The following MBTPS1 variants were observed in gnomAD, a reference collection of about 807,000 sequenced individuals.
MBTPS1 encodes membrane bound transcription factor peptidase, site 1.
In MBTPS1, 94 loss-of-function variants were observed where a neutral mutation model predicts 127.8. That is an observed-to-expected ratio of 0.74 (90% confidence interval 0.62 to 0.87). MBTPS1 has a LOEUF of 0.87. MBTPS1 is among the 40% of genes least tolerant of loss of function. MBTPS1 has a pLI of 0.00. For missense variants in MBTPS1, 1,636 were observed against 1,353.2 expected, an observed-to-expected ratio of 1.21 and a Z score of -3.28; for synonymous variants, 632 against 509.4, an observed-to-expected ratio of 1.24 and a Z score of -3.24.
At chr16:84,100,782 T>C (rs1296523832) in intron 2 of MBTPS1, among the ~76,000 whole-genome samples, 1 of 151,980 alleles carries the variant, frequency 6.6e-6, no homozygotes, top group African/African-American at 2.4e-5. Context: ...TTTCCTTTTA[T>C]CATATAAGCT....
At chr16:84,093,369 C>A in intron 5 of MBTPS1, 72 bp from the exon 6 acceptor site, 1 of 1,021,788 alleles carries the variant, frequency 9.8e-7, no homozygotes. Flanking sequence ...CATTCCAGGC[C>A]ATGAGTTCCA....
intron 11 of MBTPS1, among the ~76,000 whole-genome samples, chr16:84,077,772 A>G (rs1251836049): frequency 6.6e-6 from 1 of 152,246 alleles, no homozygotes; most frequent in Non-Finnish European, 1.5e-5. Context: ...CTGCATGGCA[A>G]AAACACCTTA....
chr16:84,059,477 A>G (rs1381659036), intron 20 of MBTPS1, 49 bp from the exon 21 acceptor site: 2 of 1,581,320 alleles, frequency 1.3e-6, no homozygotes, highest in Middle Eastern at 1.7e-4. Context: ...CTCTATTACT[A>G]AAATGCAAAG....
Position 84,054,144 on chromosome 16 carries a change from T to G in MBTPS1, c.*305A>C, listed in dbSNP as rs1052356913. ...TTGTTTGGAAAGTACATCCTTCCCC[T>G]GCAGTCAGAAGACCCCAGACAGCCT... On this transcript the variant is annotated 3_prime_UTR_variant, in exon 23 of 23. Coordinates refer to ENST00000343411, the MANE Select transcript of MBTPS1 (RefSeq NM_003791.4). 3.2e-5 allele frequency: 8 copies of G among 252,932 alleles called. No individual in the cohort carries two copies. Among genetic ancestry groups the G allele is most frequent in the Non-Finnish European group, 5.3e-5 (7 of 132,302 alleles). The allele number at this position is 252,932 out of a possible 1,614,324, so 15.7% of individuals were successfully genotyped here. A position where few individuals can be genotyped will look rare whatever the true frequency, so the allele number is the denominator to read the frequency against.
At chr16:84,101,249 G>A (rs893694648) in intron 2 of MBTPS1, among the ~76,000 whole-genome samples, 6 of 152,100 alleles carry the variant, frequency 3.9e-5, no homozygotes, top group East Asian at 1.9e-4. Flanking sequence ...GCAGTGAACC[G>A]AGATCGTGCC....
intron 3 of MBTPS1, 127 bp from the exon 4 acceptor site, chr16:84,095,932 T>A: frequency 1.5e-6 from 1 of 689,326 alleles, no homozygotes; most frequent in Non-Finnish European, 2.5e-6. Flanking sequence ...AAAGTGGGAT[T>A]ATCTTCTTTT....
intron 21 of MBTPS1, chr16:84,057,865 T>C (rs1427536323): frequency 6.6e-6 from 1 of 152,248 alleles, no homozygotes; most frequent in African/African-American, 2.4e-5. Context: ...TTATTTGATG[T>C]GAACAGGTAG....
Position 84,054,994 on chromosome 16 carries a change from G to A in MBTPS1, c.2963-349C>T, listed in dbSNP as rs539181720. Among the ~76,000 whole-genome samples the A allele has an allele frequency of 3.3e-5, 5 of 152,306 alleles. No homozygotes were observed. In the East Asian group the frequency reaches 9.7e-4, roughly 29 times the overall value. ...CTGTGTTTCTCTAAACACAAGGGAAGATGGGCACGTCTCTATCCAGGGGAG... is the reference window on the plus strand; with the variant it reads ...CTGTGTTTCTCTAAACACAAGGGAAAATGGGCACGTCTCTATCCAGGGGAG... On this transcript the variant is annotated intron_variant, in intron 22 of 22. Transcript: ENST00000343411.
At chr16:84,074,217 A>G (rs1041779314) in intron 12 of MBTPS1, among the ~76,000 whole-genome samples, 1 of 151,562 alleles carries the variant, frequency 6.6e-6, no homozygotes, top group African/African-American at 2.4e-5. Context: ...TAGCCCTGGT[A>G]CCCTAGACAG....
At position 84,056,264 on chromosome 16, in the gene MBTPS1, G is replaced by A. The variant is rs1051004585; in HGVS notation, c.2832-129C>T. The A allele has an allele frequency of 4.5e-5, 32 of 710,114 alleles. 1 individual carries two copies. Among genetic ancestry groups the A allele is most frequent in the African/African-American group, 1.1e-4 (6 of 56,220 alleles). The allele number at this position is 710,114 out of a possible 1,614,324, so 44.0% of individuals were successfully genotyped here. On this transcript the variant is annotated intron_variant, in intron 21 of 22. Transcript: ENST00000343411. Reference sequence around the variant, plus strand: ...CGGGGAGATGTGAAATGCCATTTGCGTCCACGGCCACCTAAATGCCACTGA... The same window carrying A: ...CGGGGAGATGTGAAATGCCATTTGCATCCACGGCCACCTAAATGCCACTGA...
At chr16:84,062,793 G>C (rs1284486993) in intron 19 of MBTPS1, among the ~76,000 whole-genome samples, 2 of 152,172 alleles carry the variant, frequency 1.3e-5, no homozygotes, top group African/African-American at 4.8e-5. Flanking sequence ...ATGCCTATTT[G>C]CCTCCCCTTC....
chr16:84,063,269 T>C lies in MBTPS1; in HGVS notation c.2572+36A>G, dbSNP rs1381461781. On this transcript the variant is annotated intron_variant, in intron 19 of 22. Transcript: ENST00000343411. ...AGACAAAGGGAAGAAAGGATCTGAG[T>C]GCCGAAGTCACAAAGTCCATCTGCG... The C allele has an allele frequency of 2.5e-5, 39 of 1,590,512 alleles. 1 individual carries two copies. The highest frequency in any genetic ancestry group is 3.4e-5 in the Admixed American group (2 of 59,104).
chr16:84,116,431 G>T (rs141449589), intron 1 of MBTPS1, among the ~76,000 whole-genome samples: 2 of 152,218 alleles, frequency 1.3e-5, no homozygotes, highest in Non-Finnish European at 2.9e-5. Context: ...ACCTAGAATT[G>T]AGTCTGTCTG....
Position 84,081,887 on chromosome 16 carries a change from C to T in MBTPS1, c.1308G>A (p.Leu436=), listed in dbSNP as rs2085947587. Residue 436 remains leucine (L), a synonymous_variant, in exon 11 of 23, where the codon CTG becomes CTA. Coordinates refer to ENST00000343411, the MANE Select transcript of MBTPS1 (RefSeq NM_003791.4). ...LLVSTVQKRE[L]VNPASMKQAL... ...CCTGCTTCATACTGGCGGGATTCAC[C>T]AGCTCACGCTTCTGGACTGTGCTGG... is the stretch of plus-strand genomic sequence containing the variant. 1 of 1,450,800 alleles carries T rather than the reference C, an allele frequency of 6.9e-7. No homozygotes were observed. The highest frequency in any genetic ancestry group is 2.6e-5 in the East Asian group (1 of 37,964). 89.9% of individuals were successfully genotyped at this position (1,450,800 alleles called of 1,614,324 possible). A position where few individuals can be genotyped will look rare whatever the true frequency, so the allele number is the denominator to read the frequency against.
Position 84,074,664 on chromosome 16 carries a change from C to G in MBTPS1, c.1526G>C (p.Gly509Ala), listed in dbSNP as rs774184571. The change falls in exon 12 of 23, where the codon GGA (glycine) becomes GCA (alanine). Residue 509 changes from glycine to alanine, a missense_variant. Transcript: ENST00000343411. Reference protein sequence around the residue: ...PYCSQPIYYGGMPTVVNVTIL... With the variant: ...PYCSQPIYYGAMPTVVNVTIL... ...GGTGACATTAACAACTGTCGGCATT[C>G]CTCCATAGTAGATGGGCTGGGAGCA... 6.2e-7 allele frequency: 1 copy of G among 1,614,124 alleles called. No individual in the cohort carries two copies. The highest frequency in any genetic ancestry group is 8.5e-7 in the Non-Finnish European group (1 of 1,179,984).
chr16:84,091,077 G>A (rs1446220453), intron 7 of MBTPS1, 135 bp from the exon 8 acceptor site: 5 of 711,690 alleles, frequency 7.0e-6, no homozygotes, highest in Non-Finnish European at 1.2e-5. Context: ...AAAGGCGGAT[G>A]TGCTGGCAAC....
chr16:84,103,772 G>A (rs1025437152), intron 1 of MBTPS1, among the ~76,000 whole-genome samples: 2 of 152,092 alleles, frequency 1.3e-5, no homozygotes, highest in Non-Finnish European at 2.9e-5. Context: ...TACTAAAGAG[G>A]GACTTTCACT....
Position 84,091,810 on chromosome 16 carries a change from A to G in MBTPS1, c.885T>C (p.Tyr295=), listed in dbSNP as rs1299090047. Residue 295 remains tyrosine, a synonymous_variant, in exon 7 of 23, where the codon TAT becomes TAC. Coordinates refer to ENST00000343411, the MANE Select transcript of MBTPS1 (RefSeq NM_003791.4). The part of the protein sequence containing the change: ...YTSWFLDAFN[Y]AILKKIDVLN... ...ACACGTCGATCTTCTTTAAAATGGC[A>G]TAGTTGAAGGCGTCCAAAAACCAAG... 6.2e-7 allele frequency: 1 copy of G among 1,613,992 alleles called. No individual in the cohort carries two copies. The highest frequency in any genetic ancestry group is 8.5e-7 in the Non-Finnish European group (1 of 1,179,932).
chr16:84,059,206 G>A lies in MBTPS1; in HGVS notation c.2831+96C>T, dbSNP rs145771547. On this transcript the variant is annotated intron_variant, in intron 21 of 22. Coordinates refer to ENST00000343411, the MANE Select transcript of MBTPS1 (RefSeq NM_003791.4). Reference sequence around the variant, plus strand: ...GACAAGCTTGAAGATCTGACAATTCGATAGTGATGTCAGTAAAATTCCATT... The same window carrying A: ...GACAAGCTTGAAGATCTGACAATTCAATAGTGATGTCAGTAAAATTCCATT... 7.7e-5 allele frequency: 111 copies of A among 1,442,676 alleles called. No homozygotes were observed. In the Admixed American group the frequency reaches 1.4e-3, roughly 18 times the overall value. 89.4% of individuals were successfully genotyped at this position (1,442,676 alleles called of 1,614,324 possible).
Sources: gnomAD v4.1 joint callset for allele counts (sites outside exome capture counted in the v4.1 genomes callset) on GRCh38, gnomAD v4.1.1 for gene constraint, MANE v1.5 for transcripts, NCBI Gene and HGNC (gene_info 2026-07-23, HGNC 2026-07-21) for gene names.